The following CWC27 variants were observed in gnomAD, a reference collection of about 807,000 sequenced individuals.
CWC27 encodes the protein spliceosome-associated protein CWC27 homolog.
CWC27 carries 47 observed loss-of-function variants against 63.6 expected under a neutral mutation model. The ratio of observed to expected loss-of-function variants is 0.74; its 90% CI spans 0.58 to 0.94. The LOEUF is 0.94. Ranked by LOEUF, CWC27 falls within the 40% of genes least tolerant of loss-of-function variation. The pLI, the probability that CWC27 is intolerant of heterozygous loss-of-function variation, is 0.00. For missense variants in CWC27, 495 were observed against 554.3 expected, an observed-to-expected ratio of 0.89 and a Z score of 1.07; for synonymous variants, 175 against 179.8, an observed-to-expected ratio of 0.97 and a Z score of 0.22.
At chr5:64,839,278 T>G (rs1377613572) in intron 10 of CWC27, among the ~76,000 whole-genome samples, 4 of 152,186 alleles carry the variant, frequency 2.6e-5, no homozygotes, top group Non-Finnish European at 4.4e-5. Flanking sequence ...TCTACTGGAT[T>G]TTGAATTGTG....
At chr5:64,787,699 T>C (rs1580597755) in intron 6 of CWC27, among the ~76,000 whole-genome samples, 1 of 152,128 alleles carries the variant, frequency 6.6e-6, no homozygotes, top group East Asian at 1.9e-4. Context: ...TAATACTGTC[T>C]GTATATACTG....
intron 13 of CWC27, among the ~76,000 whole-genome samples, chr5:64,996,804 A>G (rs750981854): frequency 1.3e-5 from 2 of 152,162 alleles, no homozygotes; most frequent in Non-Finnish European, 2.9e-5. Flanking sequence ...ATGGGGAAAC[A>G]TAGTGCATCA....
At chr5:64,944,873 A>T (rs1268838673) in intron 11 of CWC27, among the ~76,000 whole-genome samples, 2 of 152,006 alleles carry the variant, frequency 1.3e-5, no homozygotes, top group Admixed American at 1.3e-4. Context: ...TCTTTTTTTT[A>T]AACCCACCAA....
chr5:64,772,936 C>CA (rs111700463), intron 1 of CWC27, among the ~76,000 whole-genome samples: 513 of 119,624 alleles, frequency 4.3e-3, no homozygotes, highest in Middle Eastern at 9.2e-3. Flanking sequence ...GACTCTGTCT[C>CA]AAAAAAAAAA....
chr5:64,961,629 A>C (rs1748914397), intron 11 of CWC27, among the ~76,000 whole-genome samples: 1 of 152,108 alleles, frequency 6.6e-6, no homozygotes, highest in Non-Finnish European at 1.5e-5. Flanking sequence ...TATGTTTTAC[A>C]TTTCTTTCAA....
intron 8 of CWC27, 84 bp downstream of exon 8, chr5:64,800,411 G>A (rs1369327493): frequency 2.3e-6 from 2 of 888,532 alleles, no homozygotes; most frequent in African/African-American, 3.5e-5. Context: ...TAAACAGTCA[G>A]TCCTCATAAG....
intron 10 of CWC27, among the ~76,000 whole-genome samples, chr5:64,822,325 G>T (rs1376086259): frequency 1.3e-5 from 2 of 152,200 alleles, no homozygotes; most frequent in South Asian, 2.1e-4. Context: ...CAGATAGTTA[G>T]CTGTGTGTAT....
chr5:64,955,690 C>A (rs1271171719), intron 11 of CWC27, among the ~76,000 whole-genome samples: 3 of 151,582 alleles, frequency 2.0e-5, no homozygotes, highest in African/African-American at 7.3e-5. Flanking sequence ...ATTAATCTGA[C>A]ATTAATCTGG....
intron 10 of CWC27, chr5:64,808,062 A>C: frequency 7.8e-7 from 1 of 1,284,586 alleles, no homozygotes; most frequent in Non-Finnish European, 9.9e-7. Context: ...TCTTGAGACT[A>C]ATCTCTCTCA....
intron 13 of CWC27, among the ~76,000 whole-genome samples, chr5:64,979,965 TAAAAAAAAA>T (rs35301190): frequency 1.8e-5 from 2 of 112,292 alleles, no homozygotes; most frequent in African/African-American, 3.4e-5. Flanking sequence ...ACTTTTTATG[TAAAAAAAAA>T]AAAAAAAAAA....
intron 11 of CWC27, among the ~76,000 whole-genome samples, chr5:64,930,060 A>G (rs983383855): frequency 2.4e-4 from 37 of 152,234 alleles, no homozygotes; most frequent in Non-Finnish European, 7.3e-5. Context: ...TTCATGCTAC[A>G]ACATGGATGA....
intron 10 of CWC27, among the ~76,000 whole-genome samples, chr5:64,875,097 AT>A (rs1345975394): frequency 6.6e-6 from 1 of 152,032 alleles, no homozygotes; most frequent in Admixed American, 6.6e-5. Flanking sequence ...TACTGATATT[AT>A]TGGCACTTTA....
chr5:64,968,981 T>C (rs1749071769), intron 11 of CWC27, among the ~76,000 whole-genome samples: 1 of 152,214 alleles, frequency 6.6e-6, no homozygotes. Context: ...TGCTTTATTA[T>C]ATACTTAAAT....
At chr5:64,852,769 G>T (rs1361322822) in intron 10 of CWC27, among the ~76,000 whole-genome samples, 2 of 151,244 alleles carry the variant, frequency 1.3e-5, no homozygotes, top group Non-Finnish European at 2.9e-5. Flanking sequence ...CACTGCTCCC[G>T]GCCACCTTTT....
intron 7 of CWC27, among the ~76,000 whole-genome samples, chr5:64,796,402 A>G (rs1215024665): frequency 3.3e-5 from 5 of 152,110 alleles, no homozygotes; most frequent in African/African-American, 7.2e-5. Flanking sequence ...GATAAATTCA[A>G]AATACACAGG....
At chr5:64,942,788 C>A (rs1748511598) in intron 11 of CWC27, among the ~76,000 whole-genome samples, 2 of 152,204 alleles carry the variant, frequency 1.3e-5, no homozygotes, top group South Asian at 4.1e-4. Flanking sequence ...CCTTGAGCAG[C>A]ATAAATATGG....
chr5:64,801,903 C>T (rs1744502524), intron 9 of CWC27, among the ~76,000 whole-genome samples: 1 of 152,078 alleles, frequency 6.6e-6, no homozygotes, highest in Non-Finnish European at 1.5e-5. Context: ...TTAATCTGTG[C>T]ATTGTATAAT....
intron 10 of CWC27, among the ~76,000 whole-genome samples, chr5:64,805,462 A>G (rs1281634505): frequency 5.9e-5 from 9 of 151,822 alleles, no homozygotes; most frequent in Admixed American, 5.9e-4. Flanking sequence ...CCTCTCATTC[A>G]CACTGTAACT....
intron 10 of CWC27, among the ~76,000 whole-genome samples, chr5:64,840,394 A>T (rs4700652): frequency 0.035 from 652 of 18,542 alleles, 66 homozygotes; most frequent in Non-Finnish European, 0.045. Context: ...AAAAAAAAAA[A>T]ATATATATAT....
Sources: allele counts gnomAD v4.1 joint callset (sites outside exome capture counted in the v4.1 genomes callset), GRCh38; gene constraint gnomAD v4.1.1; transcripts MANE v1.5; gene names NCBI Gene and HGNC (gene_info 2026-07-23, HGNC 2026-07-21).